Variants in SH3RF2 observed in about 807,000 individuals in gnomAD.
SH3RF2 encodes the protein E3 ubiquitin-protein ligase SH3RF2.
Under a neutral mutation model 59.0 loss-of-function variants are expected in SH3RF2, and 43 were observed. The ratio of observed to expected loss-of-function variants is 0.73; its 90% CI spans 0.57 to 0.94. SH3RF2 has a LOEUF of 0.94. Among genes scored for constraint, SH3RF2 ranks in the 40% least tolerant of loss-of-function variants. The probability of loss-of-function intolerance (pLI) is 0.00; values close to 1 mark genes in which losing one functional copy is unlikely to be tolerated. For missense variants in SH3RF2, 930 were observed against 940.1 expected, an observed-to-expected ratio of 0.99 and a Z score of 0.14; for synonymous variants, 391 against 391.5, an observed-to-expected ratio of 1.00 and a Z score of 0.01.
At chr5:146,071,743 A>G (rs1197562511) in intron 9 of SH3RF2, among the ~76,000 whole-genome samples, 1 of 152,222 alleles carries the variant, frequency 6.6e-6, no homozygotes, top group Non-Finnish European at 1.5e-5. Context: ...TCCTTTGGCA[A>G]ATAACTAAAG....
chr5:145,956,266 TTTTTTA>T (rs1278439322), intron 2 of SH3RF2, among the ~76,000 whole-genome samples: 38 of 152,138 alleles, frequency 2.5e-4, no homozygotes, highest in Non-Finnish European at 4.3e-4. Context: ...ATTCTTTTGC[TTTTTTA>T]TTTTTATTTA....
downstream of SH3RF2, among the ~76,000 whole-genome samples, chr5:146,066,277 G>A (rs772775268): frequency 6.6e-6 from 1 of 152,202 alleles, no homozygotes; most frequent in African/African-American, 2.4e-5. Context: ...AGAACGCTCG[G>A]CTGCGCACAA....
At chr5:145,970,126 AT>A (rs201561721) in intron 2 of SH3RF2, among the ~76,000 whole-genome samples, 72 of 148,954 alleles carry the variant, frequency 4.8e-4, no homozygotes, top group South Asian at 1.9e-3. Flanking sequence ...GTTCCATTTT[AT>A]TTTTTTTTTC....
Position 145,971,864 on chromosome 5 carries a change from T to C in SH3RF2, c.379-28194T>C, listed in dbSNP as rs757994309. On this transcript the variant is annotated intron_variant, in intron 2 of 9. Coordinates refer to ENST00000359120, the MANE Select transcript of SH3RF2 (RefSeq NM_152550.4). Reference sequence around the variant, plus strand: ...GAGGCTTGGAATAGCCAAGAAATAATAGTGATAATGATGATGATGATGATG... The same window carrying C: ...GAGGCTTGGAATAGCCAAGAAATAACAGTGATAATGATGATGATGATGATG... Among the ~76,000 whole-genome samples the C allele has an allele frequency of 4.7e-5, 7 of 147,794 alleles. No homozygotes were observed. In the East Asian group the frequency reaches 6.0e-4, roughly 13 times the overall value.
intron 2 of SH3RF2, among the ~76,000 whole-genome samples, chr5:145,979,216 C>T (rs796902660): frequency 6.6e-6 from 1 of 152,214 alleles, no homozygotes; most frequent in Non-Finnish European, 1.5e-5. Flanking sequence ...AACACAAATT[C>T]TTGGGCCCCA....
At chr5:145,957,413 A>G (rs546145571) in intron 2 of SH3RF2, among the ~76,000 whole-genome samples, 2 of 152,170 alleles carry the variant, frequency 1.3e-5, no homozygotes, top group Non-Finnish European at 2.9e-5. Context: ...TTAAGAGTAA[A>G]TTGAAAGTGG....
chr5:145,986,416 C>G (rs1447599181), intron 2 of SH3RF2, among the ~76,000 whole-genome samples: 2 of 152,098 alleles, frequency 1.3e-5, no homozygotes, highest in African/African-American at 4.8e-5. Flanking sequence ...AAAGACTCAC[C>G]CACCACGTGC....
exon 10 of SH3RF2, chr5:146,081,558 C>T (rs1228890633): frequency 2.6e-5 from 4 of 152,176 alleles, no homozygotes; most frequent in Admixed American, 6.5e-5. Context: ...TAGAGGTCCA[C>T]TCGCACCTTT....
At chr5:146,003,485 G>GA (rs1333138140) in intron 3 of SH3RF2, among the ~76,000 whole-genome samples, 1 of 152,096 alleles carries the variant, frequency 6.6e-6, no homozygotes, top group African/African-American at 2.4e-5. Context: ...AAAGAATCTG[G>GA]AAAAAATGTG....
chr5:145,996,901 T>C (rs1401055488), intron 2 of SH3RF2, among the ~76,000 whole-genome samples: 2 of 152,218 alleles, frequency 1.3e-5, no homozygotes, highest in Non-Finnish European at 2.9e-5. Flanking sequence ...ATGGGGATGA[T>C]GCGTGTCTAT....
intron 2 of SH3RF2, among the ~76,000 whole-genome samples, chr5:145,950,311 T>C (rs146205047): frequency 6.6e-6 from 1 of 152,204 alleles, no homozygotes; most frequent in African/African-American, 2.4e-5. Context: ...CGGTATGTTG[T>C]TCCCTTTTGC....
chr5:146,022,601 C>T (rs1195013595), intron 5 of SH3RF2, among the ~76,000 whole-genome samples: 3 of 152,074 alleles, frequency 2.0e-5, no homozygotes, highest in East Asian at 1.9e-4. Context: ...AGGCCAGGCA[C>T]GGTGGCTCAT....
At chr5:145,976,490 A>G (rs1759300618) in intron 2 of SH3RF2, among the ~76,000 whole-genome samples, 1 of 152,052 alleles carries the variant, frequency 6.6e-6, no homozygotes. Context: ...GCACTTGCCT[A>G]AAGGCTAAAA....
At chr5:146,011,007 T>C (rs1760868541) in intron 4 of SH3RF2, among the ~76,000 whole-genome samples, 1 of 152,148 alleles carries the variant, frequency 6.6e-6, no homozygotes, top group South Asian at 2.1e-4. Flanking sequence ...GTTTTTATGG[T>C]TTTAGGTCTA....
At chr5:146,081,049 C>G (rs1186570781) in exon 10 of SH3RF2, 1 of 152,240 alleles carries the variant, frequency 6.6e-6, no homozygotes, top group Non-Finnish European at 1.5e-5. Context: ...CTGCCCGCCT[C>G]GGCCTCCCAA....
At position 145,998,075 on chromosome 5, in the gene SH3RF2, GA is replaced by G. The variant is rs1268713979; in HGVS notation, c.379-1976del. 9 of 566,148 alleles carry G rather than the reference GA, an allele frequency of 1.6e-5. 1 individual carries two copies. Among genetic ancestry groups the G allele is most frequent in the African/African-American group, 5.7e-5 (3 of 53,088 alleles). The allele number at this position is 566,148 out of a possible 1,614,324, so 35.1% of individuals were successfully genotyped here. On this transcript the variant is annotated intron_variant, in intron 2 of 9. Transcript: ENST00000359120. ...GATGTATGAAGTTGCAAATAATGAT[GA>G]AAAAAATCATGTAATGGGTAACTGA...
At chr5:145,994,795 T>G (rs975420212) in intron 2 of SH3RF2, among the ~76,000 whole-genome samples, 6 of 152,100 alleles carry the variant, frequency 3.9e-5, no homozygotes, top group Admixed American at 3.9e-4. Context: ...TTTGAAATAA[T>G]ACACACCTCA....
At chr5:146,007,970 T>A (rs544645959) in intron 4 of SH3RF2, among the ~76,000 whole-genome samples, 135 of 152,322 alleles carry the variant, frequency 8.9e-4, no homozygotes, top group African/African-American at 3.2e-3. Flanking sequence ...TGGAAAGCAA[T>A]TGGAAGGAAG....
At chr5:145,950,233 G>A (rs572410752) in intron 2 of SH3RF2, among the ~76,000 whole-genome samples, 6 of 152,324 alleles carry the variant, frequency 3.9e-5, no homozygotes, top group African/African-American at 9.6e-5. Flanking sequence ...CTCAGGAAGT[G>A]CAGAGTCAGA....
Sources: allele counts gnomAD v4.1 joint callset (sites outside exome capture counted in the v4.1 genomes callset), GRCh38; gene constraint gnomAD v4.1.1; transcripts MANE v1.5; gene names NCBI Gene and HGNC (gene_info 2026-07-23, HGNC 2026-07-21).